ERLN: variants seen among roughly 807,000 people sequenced by gnomAD.
ERLN encodes the protein endoregulin.
chr17:75,647,262 C>T, the ERLN span: 2 of 920,662 alleles, frequency 2.2e-6, no homozygotes, highest in African/African-American at 1.7e-5. Flanking sequence ...GGCGGGCCGG[C>T]TGCTCACAGA....
At chr17:75,647,676 T>A in the ERLN span, 1 of 1,036,366 alleles carries the variant, frequency 9.6e-7, no homozygotes, top group East Asian at 2.6e-5. Flanking sequence ...AGCCCTGGTG[T>A]CTTCCTTTCC....
chr17:75,646,420 C>T, the ERLN span: 1 of 152,440 alleles, frequency 6.6e-6, no homozygotes, highest in Non-Finnish European at 1.5e-5. Flanking sequence ...CCAGTCTCTT[C>T]CCCGTCCACC....
the ERLN span, chr17:75,647,939 C>T: frequency 5.1e-6 from 1 of 197,178 alleles, no homozygotes; most frequent in African/African-American, 2.3e-5. Context: ...GAGAAAGACA[C>T]AACCAAATGA....
chr17:75,647,585 A>T, the ERLN span: 1 of 1,548,972 alleles, frequency 6.5e-7, no homozygotes, highest in South Asian at 1.2e-5. Flanking sequence ...CTGGGGACTG[A>T]GATGGCAGCA....
At chr17:75,647,244 G>A in the ERLN span, 5 of 727,168 alleles carry the variant, frequency 6.9e-6, no homozygotes, top group Non-Finnish European at 1.1e-5. Context: ...CATGTCCCCT[G>A]GCTGCCAGGC....
chr17:75,647,180 G>A, the ERLN span, among the ~76,000 whole-genome samples: 3 of 152,184 alleles, frequency 2.0e-5, no homozygotes, highest in African/African-American at 7.2e-5. Flanking sequence ...TAGAGCGGGG[G>A]AAATGCCATT....
chr17:75,646,946 C>T, the ERLN span, among the ~76,000 whole-genome samples: 2 of 152,216 alleles, frequency 1.3e-5, no homozygotes, highest in Non-Finnish European at 2.9e-5. Flanking sequence ...TCCTCGGCTC[C>T]TATACGCTCT....
the ERLN span, chr17:75,647,542 T>A: frequency 5.8e-6 from 9 of 1,550,130 alleles, no homozygotes; most frequent in Non-Finnish European, 6.1e-6. Flanking sequence ...AAACACTCAG[T>A]GTGAAGCGGG....
the ERLN span, chr17:75,647,376 C>T: frequency 6.5e-7 from 1 of 1,547,472 alleles, no homozygotes; most frequent in East Asian, 2.4e-5. Flanking sequence ...TCCAGATTCT[C>T]ATGGACCAAC....
At chr17:75,647,729 T>G in the ERLN span, 8 of 682,856 alleles carry the variant, frequency 1.2e-5, no homozygotes, top group East Asian at 2.8e-5. Context: ...TGGCTTAGGG[T>G]TGGTCAGACT....
chr17:75,647,529 A>T, the ERLN span: 1 of 1,550,368 alleles, frequency 6.5e-7, no homozygotes. Flanking sequence ...TCACTTCCAC[A>T]GAAAACACTC....
chr17:75,647,556 A>G, the ERLN span: 1 of 1,549,984 alleles, frequency 6.5e-7, no homozygotes, highest in Non-Finnish European at 8.7e-7. Context: ...AAGCGGGTGA[A>G]GAGGAGTGAC....
chr17:75,647,723 T>C, the ERLN span: 3 of 714,754 alleles, frequency 4.2e-6, no homozygotes, highest in Non-Finnish European at 7.0e-6. Context: ...TGTATCTGGC[T>C]TAGGGTTGGT....
chr17:75,646,993 G>A, the ERLN span, among the ~76,000 whole-genome samples: 1 of 152,208 alleles, frequency 6.6e-6, no homozygotes, highest in Non-Finnish European at 1.5e-5. Context: ...GTTGGGGCAG[G>A]AAAAACAGGG....
the ERLN span, chr17:75,647,745 G>A: frequency 4.8e-6 from 3 of 628,028 alleles, no homozygotes; most frequent in Middle Eastern, 4.4e-4. Flanking sequence ...AGACTAGTAA[G>A]ATGGGGAGGC....
chr17:75,647,638 T>C, the ERLN span: 1 of 1,453,928 alleles, frequency 6.9e-7, no homozygotes, highest in Non-Finnish European at 9.3e-7. Flanking sequence ...GGTGGGCCCC[T>C]TCGCGGTTCC....
chr17:75,647,692 G>A, the ERLN span: 1 of 869,192 alleles, frequency 1.2e-6, no homozygotes, highest in Non-Finnish European at 1.8e-6. Flanking sequence ...TTTCCCATCA[G>A]GAAAAAGTCT....
the ERLN span, chr17:75,647,702 T>A: frequency 1.2e-6 from 1 of 818,510 alleles, no homozygotes; most frequent in Non-Finnish European, 1.9e-6. Flanking sequence ...GGAAAAAGTC[T>A]AGTAAAATAC....
chr17:75,646,780 GA>G, the ERLN span: 1 of 152,782 alleles, frequency 6.5e-6, no homozygotes, highest in African/African-American at 2.4e-5. Context: ...GCTACCAGCA[GA>G]ATCAGGTAAT....
Sources: allele counts gnomAD v4.1 joint callset (sites outside exome capture counted in the v4.1 genomes callset), GRCh38; gene constraint gnomAD v4.1.1; transcripts MANE v1.5; gene names NCBI Gene and HGNC (gene_info 2026-07-23, HGNC 2026-07-21).